Variants in ERCC6L2 observed in about 807,000 individuals in gnomAD.
ERCC6L2 encodes the protein DNA excision repair protein ERCC-6-like 2.
In ERCC6L2, 77 loss-of-function variants were observed where a neutral mutation model predicts 132.0. The observed-to-expected ratio is 0.58, with a 90% confidence interval of 0.49 to 0.71. The LOEUF is 0.71. Among genes scored for constraint, ERCC6L2 ranks in the 30% least tolerant of loss-of-function variants. The probability of loss-of-function intolerance (pLI) is 0.00; values close to 1 mark genes in which losing one functional copy is unlikely to be tolerated. For synonymous variants in ERCC6L2, 583 were observed against 632.4 expected (o/e 0.92, Z 1.17); for missense variants, 1,542 against 1,837.6 (o/e 0.84, Z 2.94).
intron 11 of ERCC6L2, among the ~76,000 whole-genome samples, chr9:95,936,047 A>G (rs1830537847): frequency 6.6e-6 from 1 of 152,200 alleles, no homozygotes; most frequent in African/African-American, 2.4e-5. Flanking sequence ...GAAGTAATAC[A>G]TGCAAGTGCA....
At chr9:96,002,146 C>G (rs1833707253) in intron 17 of ERCC6L2, among the ~76,000 whole-genome samples, 2 of 152,218 alleles carry the variant, frequency 1.3e-5, no homozygotes, top group African/African-American at 2.4e-5. Flanking sequence ...CCAGCCTTGG[C>G]CAGCCCAGAA....
chr9:96,035,302 C>T (rs943271988), intron 19 of ERCC6L2, among the ~76,000 whole-genome samples: 7 of 152,148 alleles, frequency 4.6e-5, no homozygotes, highest in Admixed American at 1.3e-4. Flanking sequence ...CCACTAGTCC[C>T]GCTGACCAGA....
chr9:96,029,485 C>G (rs928465629), intron 19 of ERCC6L2, among the ~76,000 whole-genome samples: 3 of 152,086 alleles, frequency 2.0e-5, no homozygotes, highest in African/African-American at 7.2e-5. Flanking sequence ...TGTGAACATT[C>G]ATGAGCTCTA....
At chr9:95,917,010 TC>T (rs1162203435) in intron 6 of ERCC6L2, among the ~76,000 whole-genome samples, 2 of 152,162 alleles carry the variant, frequency 1.3e-5, no homozygotes, top group Non-Finnish European at 2.9e-5. Context: ...ATGCAGTTTT[TC>T]CCCAGTAAAG....
chr9:95,876,031 C>T lies in ERCC6L2; in HGVS notation c.-8C>T, dbSNP rs78293324. The T allele has an allele frequency of 2.5e-6, 4 of 1,588,370 alleles. No individual in the cohort carries two copies. The highest frequency in any genetic ancestry group is 3.4e-6 in the Non-Finnish European group (4 of 1,168,324). On this transcript the variant is annotated 5_prime_UTR_variant, in exon 1 of 19. Transcript: ENST00000653738. ...ATGCAGCCGGGCTCGGCCCCTCCCC[C>T]TGGCCGGATGGATCCGTCGGCGCCA...
chr9:95,974,965 G>A (rs943611888), intron 16 of ERCC6L2, among the ~76,000 whole-genome samples: 3 of 151,940 alleles, frequency 2.0e-5, no homozygotes, highest in Non-Finnish European at 4.4e-5. Flanking sequence ...CAAGCATATA[G>A]GGAATGATTT....
chr9:95,972,848 C>A lies in ERCC6L2; in HGVS notation c.3097C>A (p.His1033Asn), dbSNP rs775179099. The A allele has an allele frequency of 7.7e-7, 1 of 1,305,072 alleles. No homozygotes were observed. Among genetic ancestry groups the A allele is most frequent in the East Asian group, 5.6e-5 (1 of 18,016 alleles). 80.8% of individuals were successfully genotyped at this position (1,305,072 alleles called of 1,614,324 possible). ...TNQVYAANED[H>N]NSQFIDDYSS... is the part of the protein sequence containing the mutation. ...CCAAGTGTATGCAGCAAATGAGGAT[C>A]ATAACTCTCAGTTTATTGATGATTA... The change falls in exon 16 of 19, where the codon CAT (histidine) becomes AAT (asparagine). Residue 1033 changes from histidine (H) to asparagine (N), a missense_variant. His to Asn is a moderately conservative substitution (Grantham distance 68). Transcript: ENST00000653738.
chr9:95,987,694 AC>A (rs1455906174), intron 17 of ERCC6L2, among the ~76,000 whole-genome samples: 1 of 152,082 alleles, frequency 6.6e-6, no homozygotes, highest in Non-Finnish European at 1.5e-5. Flanking sequence ...CAGTGGATCT[AC>A]CATTATGGGG....
intron 17 of ERCC6L2, among the ~76,000 whole-genome samples, chr9:96,002,765 C>A (rs969890232): frequency 6.6e-6 from 1 of 152,096 alleles, no homozygotes; most frequent in African/African-American, 2.4e-5. Context: ...GATGTCTTAT[C>A]CTCTTTCTCT....
intron 17 of ERCC6L2, among the ~76,000 whole-genome samples, chr9:95,998,810 C>T (rs775573847): frequency 6.6e-6 from 1 of 152,220 alleles, no homozygotes; most frequent in Non-Finnish European, 1.5e-5. Context: ...TTTTGTGATA[C>T]TCTGTTATGG....
intron 18 of ERCC6L2, among the ~76,000 whole-genome samples, chr9:96,006,370 G>A (rs1833862268): frequency 6.6e-6 from 1 of 152,212 alleles, no homozygotes; most frequent in Admixed American, 6.5e-5. Context: ...AGATGAGGTG[G>A]GAAACTGCCC....
rs1484971651 is a variant in ERCC6L2, at chr9:96,013,736, G to GA, written c.*539dup. 6.6e-6 allele frequency: 1 copy of GA among 152,226 alleles called. No individual in the cohort carries two copies. Among genetic ancestry groups the GA allele is most frequent in the East Asian group, 1.9e-4 (1 of 5,184 alleles). 9.4% of individuals were successfully genotyped at this position (152,226 alleles called of 1,614,324 possible). A position where few individuals can be genotyped will look rare whatever the true frequency, so the allele number is the denominator to read the frequency against. On this transcript the variant is annotated 3_prime_UTR_variant, in exon 19 of 19. Transcript: ENST00000653738. ...GGCATCATGTTCTATTATTATTTTA[G>GA]AAAAAAGTCATAATTGGTACTGAAT... is the stretch of plus-strand genomic sequence containing the variant.
At chr9:95,893,452 T>TA (rs1179250712) in intron 2 of ERCC6L2, among the ~76,000 whole-genome samples, 2 of 152,198 alleles carry the variant, frequency 1.3e-5, no homozygotes, top group Non-Finnish European at 1.5e-5. Flanking sequence ...TTATCAAAGT[T>TA]ACGCTGAACT....
chr9:96,020,724 G>C, downstream of ERCC6L2: 1 of 455,140 alleles, frequency 2.2e-6, no homozygotes, highest in East Asian at 7.0e-5. Flanking sequence ...AACATGCTTT[G>C]CGCTGGAGTC....
chr9:95,918,648 C>G (rs1320264810), intron 6 of ERCC6L2: 1 of 200,584 alleles, frequency 5.0e-6, no homozygotes, highest in African/African-American at 2.3e-5. Context: ...TTGTTGAGGC[C>G]TAAGAGCCAA....
intron 17 of ERCC6L2, among the ~76,000 whole-genome samples, chr9:95,988,855 C>CT (rs1833192851): frequency 1.3e-5 from 2 of 152,198 alleles, no homozygotes; most frequent in African/African-American, 2.4e-5. Flanking sequence ...TCCCACAAGA[C>CT]TACCTACAGC....
chr9:95,952,669 A>C (rs1463145432), intron 12 of ERCC6L2, among the ~76,000 whole-genome samples: 2 of 152,072 alleles, frequency 1.3e-5, no homozygotes, highest in Non-Finnish European at 2.9e-5. Context: ...CCACATCTCT[A>C]CAAAAAAAAA....
intron 20 of ERCC6L2, among the ~76,000 whole-genome samples, chr9:96,040,554 A>G (rs1834566870): frequency 1.3e-5 from 2 of 152,158 alleles, no homozygotes; most frequent in East Asian, 1.9e-4. Context: ...ATCTGTCCCT[A>G]TGTGCTTAAC....
At chr9:96,033,894 G>A (rs1409859819) in intron 19 of ERCC6L2, among the ~76,000 whole-genome samples, 1 of 152,192 alleles carries the variant, frequency 6.6e-6, no homozygotes, top group South Asian at 2.1e-4. Context: ...GCATACCGGG[G>A]CTCAGAAGGC....
Sources: gnomAD v4.1 joint callset for allele counts (sites outside exome capture counted in the v4.1 genomes callset) on GRCh38, gnomAD v4.1.1 for gene constraint, MANE v1.5 for transcripts, NCBI Gene and HGNC (gene_info 2026-07-23, HGNC 2026-07-21) for gene names.